UMAD1: variants seen among roughly 807,000 people sequenced by gnomAD.
The protein encoded by UMAD1 is UBAP1-MVB12-associated (UMA)-domain containing protein 1.
Under a neutral mutation model 6.1 loss-of-function variants are expected in UMAD1, and 8 were observed. The ratio of observed to expected loss-of-function variants is 1.30; its 90% confidence interval spans 0.76 to 2.35. The LOEUF (loss-of-function observed/expected upper bound fraction) is 2.35. UMAD1 is among the 30% of genes most tolerant of loss of function. UMAD1 has a pLI of 0.00. For missense variants in UMAD1, 130 were observed against 78.4 expected (o/e 1.66, Z -2.49); for synonymous variants, 56 against 31.4 (o/e 1.78, Z -2.61).
chr7:7,823,149 C>G (rs866883239), intron 3 of UMAD1, among the ~76,000 whole-genome samples: 1 of 152,028 alleles, frequency 6.6e-6, no homozygotes, highest in Non-Finnish European at 1.5e-5. Flanking sequence ...TAAGCTCACA[C>G]TTTTATATTG....
intron 2 of UMAD1, among the ~76,000 whole-genome samples, chr7:7,684,009 A>G (rs1024544713): frequency 6.6e-6 from 1 of 152,170 alleles, no homozygotes; most frequent in African/African-American, 2.4e-5. Flanking sequence ...ACCAAAATCC[A>G]TTGACGCTCA....
At chr7:7,808,043 T>C (rs1298320427) in intron 3 of UMAD1, among the ~76,000 whole-genome samples, 1 of 152,064 alleles carries the variant, frequency 6.6e-6, no homozygotes, top group African/African-American at 2.4e-5. Context: ...TTTGTAACTT[T>C]TAACAAAGTT....
intron 2 of UMAD1, among the ~76,000 whole-genome samples, chr7:7,798,146 T>C (rs1323627844): frequency 6.6e-6 from 1 of 152,156 alleles, no homozygotes; most frequent in Non-Finnish European, 1.5e-5. Context: ...GTGACTACAA[T>C]GGTAGAGTTG....
chr7:7,749,692 C>T (rs1039710206), intron 2 of UMAD1, among the ~76,000 whole-genome samples: 1 of 151,886 alleles, frequency 6.6e-6, no homozygotes, highest in Admixed American at 6.6e-5. Context: ...TTGCTGTGAT[C>T]TAATATGTAG....
At chr7:7,774,727 T>C (rs1176117275) in intron 2 of UMAD1, among the ~76,000 whole-genome samples, 3 of 152,346 alleles carry the variant, frequency 2.0e-5, no homozygotes, top group African/African-American at 7.2e-5. Flanking sequence ...TGCTTTCTCA[T>C]AACACCAATT....
chr7:7,760,107 C>G (rs1386420403), intron 2 of UMAD1, among the ~76,000 whole-genome samples: 1 of 152,054 alleles, frequency 6.6e-6, no homozygotes, highest in Non-Finnish European at 1.5e-5. Flanking sequence ...CCCGGAGCCA[C>G]CATTTAAGAA....
At chr7:7,735,124 T>A (rs762785531) in intron 2 of UMAD1, among the ~76,000 whole-genome samples, 6 of 152,172 alleles carry the variant, frequency 3.9e-5, no homozygotes, top group African/African-American at 7.2e-5. Context: ...TAAACAATGA[T>A]TTGTCCATGA....
intron 2 of UMAD1, among the ~76,000 whole-genome samples, chr7:7,709,611 T>C (rs762800783): frequency 5.3e-5 from 8 of 152,230 alleles, no homozygotes; most frequent in Non-Finnish European, 1.0e-4. Flanking sequence ...ACCTGTTTGC[T>C]CAGAAGTCAT....
At chr7:7,744,381 A>ATTTGTGTACAGGCT (rs1274443352) in intron 2 of UMAD1, among the ~76,000 whole-genome samples, 5 of 152,172 alleles carry the variant, frequency 3.3e-5, no homozygotes, top group African/African-American at 1.2e-4. Flanking sequence ...TGCTGTGAAC[A>ATTTGTGTACAGGCT]TTTGTGTACA....
intron 2 of UMAD1, among the ~76,000 whole-genome samples, chr7:7,746,119 G>C (rs890098953): frequency 6.6e-6 from 1 of 152,184 alleles, no homozygotes; most frequent in Admixed American, 6.5e-5. Context: ...ATATTCTCGT[G>C]TTTGAATGCT....
intron 3 of UMAD1, among the ~76,000 whole-genome samples, chr7:7,823,934 T>C (rs1441693728): frequency 6.6e-6 from 1 of 152,142 alleles, no homozygotes; most frequent in African/African-American, 2.4e-5. Flanking sequence ...CCTAGCAGTA[T>C]AATCCCAGAC....
intron 2 of UMAD1, among the ~76,000 whole-genome samples, chr7:7,788,914 T>C (rs1782507257): frequency 6.6e-6 from 1 of 152,212 alleles, no homozygotes; most frequent in Non-Finnish European, 1.5e-5. Context: ...CCTGAAATTC[T>C]CCATAATCTG....
chr7:7,777,383 G>A (rs1296413913), intron 2 of UMAD1, among the ~76,000 whole-genome samples: 2 of 151,198 alleles, frequency 1.3e-5, no homozygotes, highest in African/African-American at 4.9e-5. Context: ...GTGGGTGCCT[G>A]TAATCCCAGC....
intron 2 of UMAD1, among the ~76,000 whole-genome samples, chr7:7,768,421 G>A (rs1027270047): frequency 4.6e-5 from 7 of 152,024 alleles, no homozygotes; most frequent in African/African-American, 1.2e-4. Context: ...TATTTCTGCC[G>A]TTCTGAACTC....
intron 1 of UMAD1, among the ~76,000 whole-genome samples, chr7:7,651,748 ACT>A (rs2115550849): frequency 6.6e-6 from 1 of 152,102 alleles, no homozygotes; most frequent in African/African-American, 2.4e-5. Flanking sequence ...ATCATATGTG[ACT>A]CTGCTGGGTG....
chr7:7,766,967 T>G (rs111822640), intron 2 of UMAD1, among the ~76,000 whole-genome samples: 1 of 152,174 alleles, frequency 6.6e-6, no homozygotes, highest in Admixed American at 6.5e-5. Flanking sequence ...TCTTGCCTAT[T>G]CTGCTTTCAT....
chr7:7,754,500 G>C (rs62432645), intron 2 of UMAD1, among the ~76,000 whole-genome samples: 24,273 of 152,066 alleles, frequency 0.16, 2,038 homozygotes, highest in African/African-American at 0.21. Context: ...ATATATACTG[G>C]TTATTAATCC....
chr7:7,645,950 A>G (rs1462743038), intron 1 of UMAD1, among the ~76,000 whole-genome samples: 3 of 152,226 alleles, frequency 2.0e-5, no homozygotes, highest in African/African-American at 4.8e-5. Context: ...GGGACTTGGA[A>G]CCAGGGTGTG....
chr7:7,765,643 T>C (rs530997808), intron 2 of UMAD1, among the ~76,000 whole-genome samples: 1 of 152,212 alleles, frequency 6.6e-6, no homozygotes, highest in African/African-American at 2.4e-5. Flanking sequence ...ATGAATGAGG[T>C]GTGGTCTTTG....
Sources: allele counts gnomAD v4.1 joint callset (sites outside exome capture counted in the v4.1 genomes callset), GRCh38; gene constraint gnomAD v4.1.1; transcripts MANE v1.5; gene names NCBI Gene and HGNC (gene_info 2026-07-23, HGNC 2026-07-21).